MAD1L1: variants seen among roughly 807,000 people sequenced by gnomAD.
MAD1L1 encodes mitotic spindle assembly checkpoint protein MAD1.
In MAD1L1, 95 loss-of-function variants were observed where a neutral mutation model predicts 96.9. That is an observed-to-expected ratio of 0.98 (90% CI 0.83 to 1.16). MAD1L1 has a LOEUF of 1.16. Among genes scored for constraint, MAD1L1 ranks in the 50% most tolerant of loss-of-function variants. MAD1L1 has a pLI of 0.00. For missense variants in MAD1L1, 1,007 were observed against 954.4 expected (o/e 1.06, Z -0.73); for synonymous variants, 473 against 396.6 (o/e 1.19, Z -2.29).
At chr7:2,072,987 G>A (rs1203042579) in intron 11 of MAD1L1, among the ~76,000 whole-genome samples, 1 of 152,226 alleles carries the variant, frequency 6.6e-6, no homozygotes, top group Non-Finnish European at 1.5e-5. Flanking sequence ...CAGGCTCCCG[G>A]CACTTGAGGA....
intron 3 of MAD1L1, 67 bp downstream of exon 3, chr7:2,229,917 G>T (rs1637728): frequency 0.64 from 991,126 of 1,542,490 alleles, 321,535 homozygotes; most frequent in African/African-American, 0.82. Flanking sequence ...ACAGAAGACT[G>T]GAAGAGGTCC....
At chr7:1,818,781 C>A (rs1202470182) in intron 18 of MAD1L1, among the ~76,000 whole-genome samples, 2 of 151,880 alleles carry the variant, frequency 1.3e-5, no homozygotes, top group Non-Finnish European at 2.9e-5. Flanking sequence ...CCACTCACGG[C>A]TCCTACAGCA....
At chr7:1,924,657 C>G (rs1788994939) in intron 17 of MAD1L1, among the ~76,000 whole-genome samples, 1 of 152,104 alleles carries the variant, frequency 6.6e-6, no homozygotes, top group Non-Finnish European at 1.5e-5. Context: ...CCCAGGGGAA[C>G]CCAGGAACGC....
chr7:1,842,650 C>A (rs1025730355), intron 18 of MAD1L1, among the ~76,000 whole-genome samples: 1 of 152,262 alleles, frequency 6.6e-6, no homozygotes, highest in Non-Finnish European at 1.5e-5. Context: ...CTTCGTCCTT[C>A]GTCCATCGCT....
chr7:1,992,693 A>G (rs1781403436), intron 14 of MAD1L1, among the ~76,000 whole-genome samples: 1 of 152,184 alleles, frequency 6.6e-6, no homozygotes, highest in African/African-American at 2.4e-5. Flanking sequence ...AGCTTGGGGA[A>G]GGCTGTCTGC....
At chr7:1,937,273 T>C (rs1778665460) in intron 16 of MAD1L1, among the ~76,000 whole-genome samples, 1 of 152,130 alleles carries the variant, frequency 6.6e-6, no homozygotes, top group African/African-American at 2.4e-5. Flanking sequence ...GGGATGAGAC[T>C]GGGAGCCCGT....
intron 15 of MAD1L1, among the ~76,000 whole-genome samples, chr7:1,961,403 AAACAAAAC>A (rs1366214565): frequency 1.3e-5 from 2 of 152,258 alleles, no homozygotes; most frequent in African/African-American, 4.8e-5. Flanking sequence ...CAGACCGATC[AAACAAAAC>A]AGAGTCCAGA....
At chr7:2,057,280 C>T (rs1041915673) in intron 12 of MAD1L1, among the ~76,000 whole-genome samples, 1 of 152,196 alleles carries the variant, frequency 6.6e-6, no homozygotes, top group African/African-American at 2.4e-5. Context: ...AATCCCAGCA[C>T]GTCGGGAAGC....
intron 18 of MAD1L1, among the ~76,000 whole-genome samples, chr7:1,864,454 A>C (rs894246295): frequency 4.6e-5 from 7 of 152,218 alleles, no homozygotes; most frequent in African/African-American, 1.7e-4. Context: ...GTCATTATCC[A>C]AATTGCTTCT....
chr7:1,980,646 C>G, intron 14 of MAD1L1, 105 bp from the exon 15 acceptor site: 2 of 878,542 alleles, frequency 2.3e-6, no homozygotes, highest in Non-Finnish European at 3.7e-6. Flanking sequence ...CACCCCCGCC[C>G]TGGGCTGGGA....
At chr7:2,149,803 CG>C (rs775472611) in intron 10 of MAD1L1, among the ~76,000 whole-genome samples, 14 of 152,194 alleles carry the variant, frequency 9.2e-5, no homozygotes, top group Non-Finnish European at 1.2e-4. Context: ...AAGTGCACCC[CG>C]ATGATCAGCA....
chr7:1,916,205 G>A (rs181041231), intron 17 of MAD1L1, among the ~76,000 whole-genome samples: 19 of 152,282 alleles, frequency 1.2e-4, no homozygotes, highest in East Asian at 5.8e-4. Context: ...GGGTGAAGCC[G>A]CCTCGGAAAC....
At chr7:2,185,100 C>T (rs1791395095) in intron 10 of MAD1L1, among the ~76,000 whole-genome samples, 1 of 152,166 alleles carries the variant, frequency 6.6e-6, no homozygotes, top group Admixed American at 6.5e-5. Context: ...AAAAGCAGGG[C>T]CAGGACAAGG....
intron 18 of MAD1L1, among the ~76,000 whole-genome samples, chr7:1,827,341 C>T (rs990888718): frequency 6.6e-6 from 1 of 152,234 alleles, no homozygotes; most frequent in African/African-American, 2.4e-5. Context: ...AGATCAGGCA[C>T]ACGGGTGAGG....
At chr7:2,145,444 C>A (rs1369990906) in intron 11 of MAD1L1, among the ~76,000 whole-genome samples, 1 of 152,250 alleles carries the variant, frequency 6.6e-6, no homozygotes, top group East Asian at 1.9e-4. Flanking sequence ...GTCCTAAGAG[C>A]GCAGAAACAT....
At chr7:1,871,015 C>T (rs1419118296) in intron 18 of MAD1L1, among the ~76,000 whole-genome samples, 3 of 147,286 alleles carry the variant, frequency 2.0e-5, no homozygotes, top group South Asian at 2.2e-4. Flanking sequence ...GTAACACCTG[C>T]CACGCTGAAC....
In MAD1L1 at chr7:1,935,936, C is replaced by T. The variant is rs550311308; in HGVS notation, c.1807+751G>A. 6.6e-5 allele frequency among the ~76,000 whole-genome samples: 10 copies of T among 152,358 alleles called. No individual in the cohort carries two copies. In the South Asian group the frequency reaches 2.1e-3, roughly 32 times the overall value. On this transcript the variant is annotated intron_variant, in intron 17 of 18. Coordinates refer to ENST00000265854, the MANE Select transcript of MAD1L1 (RefSeq NM_001013836.2). ...GCTGCTAAGGGCTGGACAGGGAACC[C>T]TCCCCCAGGTCCCCCCAGAACCAGG...
chr7:1,990,325 C>A (rs1314755674), intron 14 of MAD1L1, among the ~76,000 whole-genome samples: 1 of 152,184 alleles, frequency 6.6e-6, no homozygotes, highest in East Asian at 1.9e-4. Flanking sequence ...GCATCCTGGC[C>A]AGAGGCCACC....
At chr7:1,943,741 G>A (rs957231216) in intron 16 of MAD1L1, among the ~76,000 whole-genome samples, 4 of 151,948 alleles carry the variant, frequency 2.6e-5, no homozygotes, top group Admixed American at 6.6e-5. Flanking sequence ...GCAGACCCCC[G>A]AGAGAACTGC....
Sources: gnomAD v4.1 joint callset for allele counts (sites outside exome capture counted in the v4.1 genomes callset) on GRCh38, gnomAD v4.1.1 for gene constraint, MANE v1.5 for transcripts, NCBI Gene and HGNC (gene_info 2026-07-23, HGNC 2026-07-21) for gene names.